CCSER1: variants seen among roughly 807,000 people sequenced by gnomAD.
The protein encoded by CCSER1 is coiled-coil serine rich protein 1.
CCSER1 carries 41 observed loss-of-function variants against 82.0 expected under a neutral mutation model. The ratio of observed to expected loss-of-function variants is 0.50; its 90% CI spans 0.39 to 0.65. CCSER1 has a LOEUF of 0.65. Among genes scored for constraint, CCSER1 ranks in the 30% least tolerant of loss-of-function variants. The pLI is 0.00. For synonymous variants in CCSER1, 414 were observed against 383.9 expected (o/e 1.08, Z -0.92); for missense variants, 1,119 against 1,064.2 (o/e 1.05, Z -0.72).
At position 90,684,590 on chromosome 4, in the gene CCSER1, T is replaced by C. The variant is rs116554560; in HGVS notation, c.1933-39324T>C. Among the ~76,000 whole-genome samples the C allele has an allele frequency of 2.8e-3, 419 of 152,272 alleles. 2 individuals carry two copies. Among genetic ancestry groups the C allele is most frequent in the African/African-American group, 9.7e-3 (401 of 41,550 alleles). On this transcript the variant is annotated intron_variant, in intron 6 of 10. Coordinates refer to ENST00000509176, the MANE Select transcript of CCSER1 (RefSeq NM_001145065.2). ...AGCATATAACATTTTAATGGAAACATAGAAAGCAATAAAAAGGTTAGAGTT... is the reference window on the plus strand; with the variant it reads ...AGCATATAACATTTTAATGGAAACACAGAAAGCAATAAAAAGGTTAGAGTT...
chr4:90,855,894 A>G (rs971366315), intron 8 of CCSER1, among the ~76,000 whole-genome samples: 2 of 152,102 alleles, frequency 1.3e-5, no homozygotes, highest in Non-Finnish European at 2.9e-5. Flanking sequence ...CATCTATTAC[A>G]TGTGAATGAC....
At chr4:91,492,026 A>T (rs1252987026) in intron 10 of CCSER1, among the ~76,000 whole-genome samples, 1 of 146,330 alleles carries the variant, frequency 6.8e-6, no homozygotes, top group Non-Finnish European at 1.5e-5. Flanking sequence ...AGTGGTATTT[A>T]TGAATTTTGT....
intron 1 of CCSER1, among the ~76,000 whole-genome samples, chr4:90,162,339 T>C (rs1429424025): frequency 6.6e-6 from 1 of 152,092 alleles, no homozygotes; most frequent in Non-Finnish European, 1.5e-5. Flanking sequence ...TATCAATATT[T>C]AATAATTATG....
intron 6 of CCSER1, among the ~76,000 whole-genome samples, chr4:90,686,144 G>A (rs547164330): frequency 8.5e-5 from 13 of 152,056 alleles, no homozygotes; most frequent in Admixed American, 2.0e-4. Context: ...GGTAACCTAG[G>A]CAGAGAGCTT....
intron 7 of CCSER1, among the ~76,000 whole-genome samples, chr4:90,782,215 G>A (rs747123088): frequency 6.6e-6 from 1 of 151,974 alleles, no homozygotes; most frequent in Non-Finnish European, 1.5e-5. Context: ...ATATTTGTGG[G>A]CAAAAAATAT....
intron 1 of CCSER1, among the ~76,000 whole-genome samples, chr4:90,205,719 G>T (rs1738674483): frequency 6.6e-6 from 1 of 152,162 alleles, no homozygotes; most frequent in Non-Finnish European, 1.5e-5. Context: ...CATAAAACAA[G>T]TTAGGGAGGA....
intron 9 of CCSER1, among the ~76,000 whole-genome samples, chr4:91,023,275 A>C (rs1454264212): frequency 1.3e-5 from 2 of 152,152 alleles, no homozygotes; most frequent in Non-Finnish European, 2.9e-5. Flanking sequence ...CAAGCTACCA[A>C]TGACTTTCTT....
chr4:90,562,113 C>T (rs971852810), intron 5 of CCSER1, among the ~76,000 whole-genome samples: 1 of 149,698 alleles, frequency 6.7e-6, no homozygotes, highest in African/African-American at 2.5e-5. Flanking sequence ...TCTCTTGAAC[C>T]TGGGAGGCAG....
At chr4:90,694,785 A>ATG (rs1176403603) in intron 6 of CCSER1, among the ~76,000 whole-genome samples, 1 of 133,562 alleles carries the variant, frequency 7.5e-6, no homozygotes, top group Admixed American at 7.8e-5. Context: ...TCAATGCACG[A>ATG]TGTGTGTGTG....
intron 7 of CCSER1, among the ~76,000 whole-genome samples, chr4:90,777,164 C>G (rs984504870): frequency 2.0e-5 from 3 of 151,820 alleles, no homozygotes; most frequent in Admixed American, 1.3e-4. Context: ...CGAGACCAGC[C>G]CAGCCAACAT....
At chr4:91,083,805 A>C (rs369826262) in intron 9 of CCSER1, among the ~76,000 whole-genome samples, 3 of 152,290 alleles carry the variant, frequency 2.0e-5, no homozygotes, top group African/African-American at 7.2e-5. Context: ...GAAAACATAC[A>C]AAATACCAAG....
intron 5 of CCSER1, among the ~76,000 whole-genome samples, chr4:90,537,143 ATTG>A (rs1775502386): frequency 6.6e-6 from 1 of 152,038 alleles, no homozygotes; most frequent in African/African-American, 2.4e-5. Flanking sequence ...TTAAGTTTAG[ATTG>A]TTGTCTTGTT....
chr4:91,419,242 C>G (rs531375623), intron 10 of CCSER1, among the ~76,000 whole-genome samples: 12 of 151,760 alleles, frequency 7.9e-5, no homozygotes, highest in African/African-American at 2.9e-4. Flanking sequence ...AACAATTAGG[C>G]AAAAATAAAT....
intron 9 of CCSER1, among the ~76,000 whole-genome samples, chr4:91,074,914 T>C (rs1401677302): frequency 6.6e-6 from 1 of 152,054 alleles, no homozygotes; most frequent in Admixed American, 6.5e-5. Flanking sequence ...ATCTGTCCAA[T>C]CTATATTTTT....
At chr4:90,558,410 C>A (rs1778371161) in intron 5 of CCSER1, among the ~76,000 whole-genome samples, 1 of 152,026 alleles carries the variant, frequency 6.6e-6, no homozygotes, top group Non-Finnish European at 1.5e-5. Flanking sequence ...GAGGTTTACT[C>A]TTTAATTCTT....
At chr4:90,391,444 GTATATATATATATATATATATA>G (rs770320334) in intron 3 of CCSER1, among the ~76,000 whole-genome samples, 1,081 of 37,508 alleles carry the variant, frequency 0.029, 27 homozygotes, top group Middle Eastern at 0.083. Context: ...ATATATGGGG[GTATATATATATATATATATATA>G]TATATATATA....
At chr4:91,325,195 G>C (rs1176354046) in intron 10 of CCSER1, 1 of 455,928 alleles carries the variant, frequency 2.2e-6, no homozygotes, top group African/African-American at 2.0e-5. Flanking sequence ...CATAGTAGGT[G>C]GCTCTTGCCA....
At chr4:91,187,451 T>A (rs1734651121) in intron 10 of CCSER1, among the ~76,000 whole-genome samples, 1 of 152,162 alleles carries the variant, frequency 6.6e-6, no homozygotes, top group African/African-American at 2.4e-5. Flanking sequence ...AAACAAAGTA[T>A]GAAATAACTT....
intron 10 of CCSER1, among the ~76,000 whole-genome samples, chr4:91,285,591 T>G (rs1001375060): frequency 1.3e-5 from 2 of 151,850 alleles, no homozygotes; most frequent in Admixed American, 1.3e-4. Flanking sequence ...AACAAAAAGA[T>G]GTATGATTTC....
Sources: allele counts gnomAD v4.1 joint callset (sites outside exome capture counted in the v4.1 genomes callset), GRCh38; gene constraint gnomAD v4.1.1; transcripts MANE v1.5; gene names NCBI Gene and HGNC (gene_info 2026-07-23, HGNC 2026-07-21).